SRD5A2: variants seen among roughly 807,000 people sequenced by gnomAD.
The protein encoded by SRD5A2 is 3-oxo-5-alpha-steroid 4-dehydrogenase 2.
A neutral mutation model predicts 27.4 loss-of-function variants in SRD5A2; 30 were observed. That is an observed-to-expected ratio of 1.10 (90% confidence interval 0.82 to 1.49). The LOEUF is 1.49. SRD5A2 is among the 40% of genes most tolerant of loss of function. The pLI is 0.00. For missense variants in SRD5A2, 348 were observed against 323.4 expected, an observed-to-expected ratio of 1.08 and a Z score of -0.58; for synonymous variants, 141 against 133.6, an observed-to-expected ratio of 1.06 and a Z score of -0.38.
intron 1 of SRD5A2, among the ~76,000 whole-genome samples, chr2:31,541,546 A>G (rs1252527318): frequency 3.9e-5 from 6 of 152,168 alleles, no homozygotes; most frequent in African/African-American, 9.7e-5. Flanking sequence ...CCTTGCAACA[A>G]TGATCCCCAC....
At chr2:31,605,224 G>C in the SRD5A2 span, among the ~76,000 whole-genome samples, 1 of 152,006 alleles carries the variant, frequency 6.6e-6, no homozygotes, top group South Asian at 2.1e-4. Context: ...AACTCTCTAG[G>C]ACATTGGTCT....
intron 3 of SRD5A2, among the ~76,000 whole-genome samples, chr2:31,530,073 TC>T (rs765958239): frequency 3.3e-5 from 5 of 152,122 alleles, no homozygotes; most frequent in Non-Finnish European, 5.9e-5. Context: ...TCATTTTCTA[TC>T]CAACCAGGTA....
intron 1 of SRD5A2, among the ~76,000 whole-genome samples, chr2:31,562,099 C>T (rs1043955514): frequency 1.3e-5 from 2 of 152,158 alleles, no homozygotes; most frequent in African/African-American, 2.4e-5. Flanking sequence ...TGGATAAATA[C>T]ATGCCATTTC....
intron 1 of SRD5A2, among the ~76,000 whole-genome samples, chr2:31,547,330 T>C: frequency 6.6e-6 from 1 of 152,146 alleles, no homozygotes; most frequent in Admixed American, 6.5e-5. Flanking sequence ...TGATCATGTC[T>C]CCCTTCTGTA....
At chr2:31,612,286 T>TAA in the SRD5A2 span, among the ~76,000 whole-genome samples, 2 of 128,156 alleles carry the variant, frequency 1.6e-5, no homozygotes, top group East Asian at 2.2e-4. Flanking sequence ...GTCTCAAAAT[T>TAA]AAAAAAAAAA....
chr2:31,529,587 A>C (rs906484153), intron 3 of SRD5A2, 130 bp from the exon 4 acceptor site: 4 of 1,282,256 alleles, frequency 3.1e-6, no homozygotes, highest in Non-Finnish European at 4.2e-6. Flanking sequence ...CTCCATAGTC[A>C]TAGGAGTTTG....
At chr2:31,634,018 G>A in the SRD5A2 span, among the ~76,000 whole-genome samples, 1 of 152,188 alleles carries the variant, frequency 6.6e-6, no homozygotes, top group Admixed American at 6.5e-5. Flanking sequence ...TATCGCTTGA[G>A]AGCACAGGGG....
At chr2:31,649,061 C>T in the SRD5A2 span, among the ~76,000 whole-genome samples, 1 of 152,280 alleles carries the variant, frequency 6.6e-6, no homozygotes, top group Admixed American at 6.5e-5. Flanking sequence ...CACAGAGGGA[C>T]TATGTACTTA....
rs191053938 is a variant in SRD5A2 at position 31,525,487 on chromosome 2, C to T, written c.*709G>A. ...GCCTTTTTGTTTGTGGTTATTAAAA[C>T]CTGGCCTTCAAGAATAGCCATACCA... On this transcript the variant is annotated 3_prime_UTR_variant, in exon 5 of 5. Coordinates refer to ENST00000622030, the MANE Select transcript of SRD5A2 (RefSeq NM_000348.4). 4.4e-6 allele frequency: 1 copy of T among 225,262 alleles called. No individual in the cohort carries two copies. The highest frequency in any genetic ancestry group is 6.4e-5 in the East Asian group (1 of 15,622). The allele number at this position is 225,262 out of a possible 1,614,324, so 14.0% of individuals were successfully genotyped here.
the SRD5A2 span, among the ~76,000 whole-genome samples, chr2:31,599,373 CA>C: frequency 6.6e-6 from 1 of 152,032 alleles, no homozygotes; most frequent in African/African-American, 2.4e-5. Context: ...TTTTCCTCAG[CA>C]CATGGATTAT....
At chr2:31,540,981 C>T (rs530348912) in intron 1 of SRD5A2, among the ~76,000 whole-genome samples, 25 of 152,304 alleles carry the variant, frequency 1.6e-4, no homozygotes, top group Admixed American at 8.5e-4. Context: ...CAAACCCCTC[C>T]CCATCCAGCT....
chr2:31,573,318 A>C (rs533173147), intron 1 of SRD5A2, among the ~76,000 whole-genome samples: 1 of 152,356 alleles, frequency 6.6e-6, no homozygotes, highest in African/African-American at 2.4e-5. Context: ...TCTATAACCA[A>C]ATGGAAGACA....
intron 2 of SRD5A2, among the ~76,000 whole-genome samples, chr2:31,532,531 C>T (rs564320318): frequency 6.6e-6 from 1 of 152,234 alleles, no homozygotes; most frequent in African/African-American, 2.4e-5. Flanking sequence ...GAGGTGAGGA[C>T]AGCCAGGATC....
At chr2:31,625,877 G>GT in the SRD5A2 span, among the ~76,000 whole-genome samples, 1 of 152,072 alleles carries the variant, frequency 6.6e-6, no homozygotes, top group Admixed American at 6.5e-5. Flanking sequence ...CTTTAAAGTA[G>GT]TTTTTTCCAA....
At chr2:31,577,162 T>A (rs1011582507) in intron 1 of SRD5A2, among the ~76,000 whole-genome samples, 48 of 57,144 alleles carry the variant, frequency 8.4e-4, no homozygotes, top group African/African-American at 9.5e-4. Context: ...AAAAAAACAT[T>A]AAAAAAAAAA....
the SRD5A2 span, among the ~76,000 whole-genome samples, chr2:31,646,162 C>A: frequency 6.6e-6 from 1 of 151,984 alleles, no homozygotes; most frequent in Non-Finnish European, 1.5e-5. Context: ...CAGGTGTGTG[C>A]GTGCACACAC....
chr2:31,661,182 T>C, the SRD5A2 span, among the ~76,000 whole-genome samples: 4 of 152,130 alleles, frequency 2.6e-5, no homozygotes, highest in Admixed American at 6.6e-5. Flanking sequence ...AAAGCCAAGA[T>C]ACCACCGGAA....
At position 31,522,839 on chromosome 2, in the gene SRD5A2, A is replaced by G. The variant is rs1665684995; in HGVS notation, c.*3357T>C. The G allele has an allele frequency of 9.0e-6, 2 of 222,152 alleles. No individual in the cohort carries two copies. Among genetic ancestry groups the G allele is most frequent in the Non-Finnish European group, 9.0e-6 (1 of 111,128 alleles). The allele number at this position is 222,152 out of a possible 1,614,324, so 13.8% of individuals were successfully genotyped here. A position where few individuals can be genotyped will look rare whatever the true frequency, so the allele number is the denominator to read the frequency against. On this transcript the variant is annotated 3_prime_UTR_variant, in exon 5 of 5. Coordinates refer to ENST00000622030, the MANE Select transcript of SRD5A2 (RefSeq NM_000348.4). The stretch of plus-strand genomic sequence containing the variant: ...GCTCACAGCTTATTAGAGAACCAAA[A>G]GGCCAAGCGGGAAAAGAAATGAATC...
chr2:31,617,194 T>A, the SRD5A2 span, among the ~76,000 whole-genome samples: 1 of 151,802 alleles, frequency 6.6e-6, no homozygotes, highest in Non-Finnish European at 1.5e-5. Context: ...ATCAGCAGCA[T>A]GAAAACAGAC....
Sources: gnomAD v4.1 joint callset for allele counts (sites outside exome capture counted in the v4.1 genomes callset) on GRCh38, gnomAD v4.1.1 for gene constraint, MANE v1.5 for transcripts, NCBI Gene and HGNC (gene_info 2026-07-23, HGNC 2026-07-21) for gene names.